Variants in TIAM2 observed in about 807,000 individuals in gnomAD.
The protein encoded by TIAM2 is rho guanine nucleotide exchange factor TIAM2.
Under a neutral mutation model 152.9 loss-of-function variants are expected in TIAM2, and 80 were observed. The ratio of observed to expected loss-of-function variants is 0.52; its 90% CI spans 0.44 to 0.63. TIAM2 has a LOEUF of 0.63. Among genes scored for constraint, TIAM2 ranks in the 30% least tolerant of loss-of-function variants. TIAM2 has a pLI of 0.00. For missense variants in TIAM2, 1,965 were observed against 2,120.1 expected (o/e 0.93, Z 1.44); for synonymous variants, 804 against 838.0 (o/e 0.96, Z 0.70).
At chr6:155,225,018 C>A (rs969155451) in intron 15 of TIAM2, among the ~76,000 whole-genome samples, 5 of 152,142 alleles carry the variant, frequency 3.3e-5, no homozygotes. Flanking sequence ...TGAAATGGTG[C>A]GATCTTGGCT....
At chr6:155,168,742 TA>T in intron 9 of TIAM2, 1 of 969,164 alleles carries the variant, frequency 1.0e-6, no homozygotes, top group Non-Finnish European at 1.5e-6. Flanking sequence ...GAAGCTCTTC[TA>T]AAATGTTATA....
At chr6:155,057,712 A>G (rs1361428468) in intron 1 of TIAM2, among the ~76,000 whole-genome samples, 1 of 151,614 alleles carries the variant, frequency 6.6e-6, no homozygotes, top group African/African-American at 2.4e-5. Flanking sequence ...TGCCCGGCTA[A>G]CTTTTGTATT....
At chr6:155,239,401 C>A (rs1447198344) in intron 15 of TIAM2, among the ~76,000 whole-genome samples, 1 of 152,162 alleles carries the variant, frequency 6.6e-6, no homozygotes, top group East Asian at 1.9e-4. Context: ...AAAGAAGCCA[C>A]CCTGCCCTCA....
chr6:155,130,393 C>A lies in TIAM2; in HGVS notation c.1170C>A (p.Leu390=). ...GGATCAGTGACTGGACGGGAAGCCTCTCAAGGAAGAAAAGGAAACTCCAGG... is the reference window on the plus strand; with the variant it reads ...GGATCAGTGACTGGACGGGAAGCCTATCAAGGAAGAAAAGGAAACTCCAGG... ...MRRISDWTGS[L]SRKKRKLQEP... The change falls in exon 4 of 27, where the codon CTC becomes CTA. Residue 390 remains leucine (L), a synonymous_variant. Coordinates refer to ENST00000682666, the MANE Select transcript of TIAM2 (RefSeq NM_012454.4). 1.2e-6 allele frequency: 2 copies of A among 1,613,642 alleles called. No individual in the cohort carries two copies. The highest frequency in any genetic ancestry group is 1.7e-6 in the Non-Finnish European group (2 of 1,179,946).
Position 155,017,135 on chromosome 6 carries a change from C to T in TIAM2, c.-209+21643C>T, listed in dbSNP as rs142985796. ...GTTTTCCCTCCTTGCCCACCGCATTCGGTGATATTGAAAGGCAGTCTCCCG... is the reference window on the plus strand; with the variant it reads ...GTTTTCCCTCCTTGCCCACCGCATTTGGTGATATTGAAAGGCAGTCTCCCG... On this transcript the variant is annotated intron_variant, in intron 1 of 26. Transcript: ENST00000682666. Among the ~76,000 whole-genome samples, 504 of 152,204 alleles carry T rather than the reference C, an allele frequency of 3.3e-3. 3 individuals are homozygous for T. Among genetic ancestry groups the T allele is most frequent in the South Asian group, 0.011 (54 of 4,816 alleles).
At chr6:155,221,114 T>C (rs1208522471) in intron 15 of TIAM2, among the ~76,000 whole-genome samples, 2 of 44,208 alleles carry the variant, frequency 4.5e-5, no homozygotes, top group African/African-American at 2.8e-4. Flanking sequence ...CATCTTGTTT[T>C]TTTTTTTTTT....
intron 1 of TIAM2, among the ~76,000 whole-genome samples, chr6:155,065,413 C>T (rs929461711): frequency 3.3e-5 from 5 of 152,044 alleles, no homozygotes; most frequent in Non-Finnish European, 7.4e-5. Flanking sequence ...TTTCTTAATA[C>T]AAAAGGATAA....
chr6:155,124,591 A>G (rs1779247813), intron 2 of TIAM2, among the ~76,000 whole-genome samples: 1 of 152,076 alleles, frequency 6.6e-6, no homozygotes, highest in African/African-American at 2.4e-5. Context: ...TTGGCCTCCC[A>G]AAGTGCTGGG....
chr6:155,253,657 G>A (rs1463043405), intron 24 of TIAM2: 1 of 238,086 alleles, frequency 4.2e-6, no homozygotes, highest in African/African-American at 2.3e-5. Context: ...TCCTTCCAAG[G>A]AAAGGGCAAA....
Position 155,135,114 on chromosome 6 carries a change from A to G in TIAM2, c.1195-2063A>G, listed in dbSNP as rs564504662. 1.2e-4 allele frequency among the ~76,000 whole-genome samples: 19 copies of G among 152,360 alleles called. No individual in the cohort carries two copies. In the East Asian group the frequency reaches 3.7e-3, roughly 29 times the overall value. ...AGCTGGTTTATTTGCTCTGTTATGC[A>G]TAAGCATCAGTGTATAAATAAATAT... On this transcript the variant is annotated intron_variant, in intron 4 of 26. Transcript: ENST00000682666.
chr6:155,184,528 G>A (rs536290315), intron 14 of TIAM2, among the ~76,000 whole-genome samples: 36 of 152,134 alleles, frequency 2.4e-4, no homozygotes, highest in Non-Finnish European at 4.7e-4. Context: ...TGGAGAGCCC[G>A]GGTCAAGCTC....
At position 155,148,325 on chromosome 6, in the gene TIAM2, A is replaced by G; in HGVS notation, c.2019A>G (p.Ile673Met). 2.5e-6 allele frequency: 4 copies of G among 1,611,746 alleles called. No individual in the cohort carries two copies. The highest frequency in any genetic ancestry group is 3.4e-6 in the Non-Finnish European group (4 of 1,179,828). Residue 673 changes from isoleucine to methionine, a missense_variant, in exon 7 of 27, where the codon ATA (isoleucine) becomes ATG (methionine). Coordinates refer to ENST00000682666, the MANE Select transcript of TIAM2 (RefSeq NM_012454.4). ...VVSDPKNRKA[I>M]ENQIQQWEQN... The stretch of plus-strand genomic sequence containing the variant: ...GCGACCCAAAGAACAGGAAAGCCAT[A>G]GAGAACCAGGTACTGTTTGTCTACA...
At chr6:155,172,645 TATATATATATATATATATATATATATATA>T in intron 9 of TIAM2, among the ~76,000 whole-genome samples, 1 of 15,974 alleles carries the variant, frequency 6.3e-5, no homozygotes, top group African/African-American at 2.5e-4. Flanking sequence ...GTTGGAAATA[TATATATATATATATATATATATATATATA>T]TATATATATA....
chr6:155,075,335 C>T (rs1482049601), intron 1 of TIAM2, among the ~76,000 whole-genome samples: 5 of 150,502 alleles, frequency 3.3e-5, no homozygotes, highest in Admixed American at 1.3e-4. Context: ...CCTTTTGTGT[C>T]GTTACTTGGG....
chr6:154,998,906 A>AC (rs2114832762), intron 1 of TIAM2, among the ~76,000 whole-genome samples: 1 of 152,250 alleles, frequency 6.6e-6, no homozygotes, highest in African/African-American at 2.4e-5. Context: ...AAATCTTGAA[A>AC]GTATAGGCTT....
intron 14 of TIAM2, among the ~76,000 whole-genome samples, chr6:155,199,934 G>T (rs192387556): frequency 9.3e-4 from 142 of 152,292 alleles, no homozygotes; most frequent in Admixed American, 2.0e-3. Flanking sequence ...GTAAATCAAG[G>T]TATAGAGACA....
In TIAM2 at chr6:155,214,333, T is replaced by C. The variant is rs1781800997; in HGVS notation, c.3168+3026T>C. Among the ~76,000 whole-genome samples, 2 of 152,196 alleles carry C rather than the reference T, an allele frequency of 1.3e-5. No individual in the cohort carries two copies. Among genetic ancestry groups the C allele is most frequent in the African/African-American group, 4.8e-5 (2 of 41,460 alleles). ...CATGGCACATCCTTTGGAGGAACCA[T>C]GTGGCATACCTTTTGGGGGTTGGTG... On this transcript the variant is annotated intron_variant, in intron 15 of 26. Coordinates refer to ENST00000682666, the MANE Select transcript of TIAM2 (RefSeq NM_012454.4). This position sits in a 1 kb window ranked among gnomAD's most constrained non-coding sequence, Gnocchi z 5.4.
At chr6:155,067,255 G>A (rs951544635) in intron 1 of TIAM2, among the ~76,000 whole-genome samples, 1 of 152,074 alleles carries the variant, frequency 6.6e-6, no homozygotes, top group Non-Finnish European at 1.5e-5. Flanking sequence ...TGGAGGGGAA[G>A]CTTTTGTGAC....
intron 1 of TIAM2, among the ~76,000 whole-genome samples, chr6:155,072,279 T>C (rs2114955488): frequency 6.6e-6 from 1 of 152,162 alleles, no homozygotes; most frequent in African/African-American, 2.4e-5. Flanking sequence ...GAGAGATTTG[T>C]GGAGAGAGAA....
Sources: gnomAD v4.1 joint callset for allele counts (sites outside exome capture counted in the v4.1 genomes callset) on GRCh38, gnomAD v4.1.1 for gene constraint, Gnocchi (gnomAD v3.1) non-coding constraint, MANE v1.5 for transcripts, NCBI Gene and HGNC (gene_info 2026-07-23, HGNC 2026-07-21) for gene names.